The following IQCM variants were observed in gnomAD, a reference collection of about 807,000 sequenced individuals.
IQCM encodes the protein IQ motif containing M.
In IQCM, 45 loss-of-function variants were observed where a neutral mutation model predicts 57.6. That is an observed-to-expected ratio of 0.78 (90% CI 0.62 to 1.00). IQCM has a LOEUF of 1.00. Among genes scored for constraint, IQCM ranks in the 50% least tolerant of loss-of-function variants. The pLI, the probability that IQCM is intolerant of heterozygous loss-of-function variation, is 0.00. For missense variants in IQCM, 468 were observed against 511.6 expected, an observed-to-expected ratio of 0.91 and a Z score of 0.82; for synonymous variants, 148 against 158.9, an observed-to-expected ratio of 0.93 and a Z score of 0.51.
intron 12 of IQCM, among the ~76,000 whole-genome samples, chr4:149,525,825 G>T (rs1746103001): frequency 1.3e-5 from 2 of 151,762 alleles, no homozygotes; most frequent in Admixed American, 1.3e-4. Flanking sequence ...TAAATGACTG[G>T]TACATTGTTG....
chr4:149,427,178 A>T (rs1734519384), intron 13 of IQCM, among the ~76,000 whole-genome samples: 1 of 151,620 alleles, frequency 6.6e-6, no homozygotes, highest in Admixed American at 6.6e-5. Flanking sequence ...TGCAGCCAAA[A>T]CTCTGATGTT....
intron 8 of IQCM, among the ~76,000 whole-genome samples, chr4:149,595,911 T>TAA: frequency 6.6e-6 from 1 of 152,274 alleles, no homozygotes; most frequent in Middle Eastern, 3.4e-3. Flanking sequence ...GAGGTGAAGG[T>TAA]ATCCTAAAGA....
chr4:149,594,949 A>G (rs1422390635), intron 8 of IQCM, among the ~76,000 whole-genome samples: 7 of 152,016 alleles, frequency 4.6e-5, no homozygotes, highest in Non-Finnish European at 8.8e-5. Context: ...TGGGGTGGAG[A>G]GTTCTGTAGA....
intron 7 of IQCM, among the ~76,000 whole-genome samples, chr4:149,659,289 C>A (rs187703356): frequency 2.0e-5 from 3 of 152,026 alleles, no homozygotes; most frequent in African/African-American, 7.2e-5. Flanking sequence ...ACGTGAAGGA[C>A]CCCTTCAAGA....
At chr4:149,541,317 G>A (rs1372115650) in intron 12 of IQCM, among the ~76,000 whole-genome samples, 1 of 152,058 alleles carries the variant, frequency 6.6e-6, no homozygotes, top group African/African-American at 2.4e-5. Context: ...GATATTTCAG[G>A]TTAAACAGAA....
intron 2 of IQCM, among the ~76,000 whole-genome samples, chr4:149,802,876 G>A (rs564850735): frequency 2.0e-5 from 3 of 151,830 alleles, no homozygotes; most frequent in Admixed American, 6.6e-5. Context: ...GAAGACACTC[G>A]GAAAAATGCT....
chr4:149,548,338 G>C, intron 12 of IQCM, 117 bp downstream of exon 12: 1 of 858,724 alleles, frequency 1.2e-6, no homozygotes, highest in Non-Finnish European at 1.5e-6. Flanking sequence ...AAAAAGTTTA[G>C]TAAAAGTAAG....
At chr4:149,788,351 A>T (rs1304289624) in intron 2 of IQCM, among the ~76,000 whole-genome samples, 1 of 151,824 alleles carries the variant, frequency 6.6e-6, no homozygotes, top group Non-Finnish European at 1.5e-5. Flanking sequence ...AAAAAACAAA[A>T]ACAACAAAAA....
chr4:149,553,073 A>C, intron 11 of IQCM, 70 bp downstream of exon 11: 5 of 1,125,674 alleles, frequency 4.4e-6, no homozygotes, highest in Non-Finnish European at 5.6e-6. Flanking sequence ...ACAGGTAATT[A>C]TATTTAAAAT....
chr4:149,673,428 A>T (rs1170412155), intron 7 of IQCM, among the ~76,000 whole-genome samples: 1 of 152,116 alleles, frequency 6.6e-6, no homozygotes, highest in Non-Finnish European at 1.5e-5. Flanking sequence ...ATGGAGGAAG[A>T]TCTACCAAGC....
At chr4:149,430,617 G>A (rs1174798222) in intron 13 of IQCM, among the ~76,000 whole-genome samples, 3 of 151,726 alleles carry the variant, frequency 2.0e-5, no homozygotes, top group Non-Finnish European at 2.9e-5. Flanking sequence ...TTATTGTCTG[G>A]CCTCTTTCAC....
chr4:149,390,119 T>A (rs1054823168), intron 13 of IQCM, among the ~76,000 whole-genome samples: 2 of 152,040 alleles, frequency 1.3e-5, no homozygotes, highest in African/African-American at 2.4e-5. Flanking sequence ...TAATTAGATC[T>A]TATTTAATTT....
At chr4:149,553,830 A>T (rs1749277485) in intron 10 of IQCM, among the ~76,000 whole-genome samples, 1 of 152,104 alleles carries the variant, frequency 6.6e-6, no homozygotes, top group East Asian at 1.9e-4. Flanking sequence ...ATTTTGTTTC[A>T]TTAGTTTACC....
Position 149,438,918 on chromosome 4 carries a change from C to A in IQCM, c.1229-5361G>T, listed in dbSNP as rs1010146820. The stretch of plus-strand genomic sequence containing the variant: ...ATATTACAATGAAATACCAACATTA[C>A]TTAACTTAAACAAGAGTGAAAATGT... On this transcript the variant is annotated intron_variant, in intron 12 of 13. Transcript: ENST00000636793. 3.9e-5 allele frequency among the ~76,000 whole-genome samples: 6 copies of A among 152,060 alleles called. No individual in the cohort carries two copies. In the East Asian group the frequency reaches 1.2e-3, roughly 30 times the overall value.
At chr4:149,725,222 G>A (rs1765786998) in intron 5 of IQCM, among the ~76,000 whole-genome samples, 1 of 152,112 alleles carries the variant, frequency 6.6e-6, no homozygotes, top group Non-Finnish European at 1.5e-5. Flanking sequence ...GGAAGATAAT[G>A]CAACTGAATT....
At chr4:149,803,933 A>T (rs1208795026) in intron 2 of IQCM, among the ~76,000 whole-genome samples, 3 of 151,874 alleles carry the variant, frequency 2.0e-5, no homozygotes, top group Non-Finnish European at 4.4e-5. Context: ...CAGTCTTTTA[A>T]TGAGCCTCTG....
chr4:149,780,063 A>G (rs1307728134), intron 2 of IQCM, among the ~76,000 whole-genome samples: 5 of 152,150 alleles, frequency 3.3e-5, no homozygotes, highest in Non-Finnish European at 7.4e-5. Context: ...CTTAGCTTCA[A>G]TGAGATATTT....
At chr4:149,668,766 G>A (rs1412087839) in intron 7 of IQCM, among the ~76,000 whole-genome samples, 1 of 152,134 alleles carries the variant, frequency 6.6e-6, no homozygotes, top group Admixed American at 6.6e-5. Flanking sequence ...TCAACGTGAA[G>A]AGCAGGAAGA....
At chr4:149,358,844 C>CAGTATATCATAATATACTCTCATG (rs1729210236) in intron 13 of IQCM, among the ~76,000 whole-genome samples, 1 of 108,028 alleles carries the variant, frequency 9.3e-6, no homozygotes, top group Non-Finnish European at 2.0e-5. Flanking sequence ...GCACAGTGGA[C>CAGTATATCATAATATACTCTCATG]AGTATATCAT....
Sources: allele counts gnomAD v4.1 joint callset (sites outside exome capture counted in the v4.1 genomes callset), GRCh38; gene constraint gnomAD v4.1.1; transcripts MANE v1.5; gene names NCBI Gene and HGNC (gene_info 2026-07-23, HGNC 2026-07-21).